Variants in NKTR observed in about 807,000 individuals in gnomAD.
The protein encoded by NKTR is natural killer cell triggering receptor.
A neutral mutation model predicts 156.3 loss-of-function variants in NKTR; 67 were observed. The observed-to-expected ratio is 0.43, with a 90% CI of 0.35 to 0.53. The LOEUF (loss-of-function observed/expected upper bound fraction) is 0.53, where lower values mean the gene tolerates loss of function less well. Among genes scored for constraint, NKTR ranks in the 20% least tolerant of loss-of-function variants. The pLI, the probability that NKTR is intolerant of heterozygous loss-of-function variation, is 0.01. For missense variants in NKTR, 1,604 were observed against 1,730.9 expected, an observed-to-expected ratio of 0.93 and a Z score of 1.30; for synonymous variants, 640 against 596.6, an observed-to-expected ratio of 1.07 and a Z score of -1.06.
At position 42,637,949 on chromosome 3, in the gene NKTR, A is replaced by G. The variant is rs1205851800; in HGVS notation, c.2245A>G (p.Ser749Gly). Residue 749 changes from serine (S) to glycine (G), a missense_variant, in exon 13 of 17, where the codon AGT becomes GGT. Physicochemically the swap from Ser to Gly is moderately conservative, Grantham distance 56. This residue lies in a region of NKTR where 1,255 missense variants were observed against 1,243.7 expected (regional missense o/e 1.01). Transcript: ENST00000232978. ...SRSSSYTSIS[S>G]DDGRRAKRRL... ...ATCATCTTCATATACTTCTATTAGC[A>G]GTGATGATGGAAGGCGAGCTAAGAG... is the stretch of plus-strand genomic sequence containing the variant. 1 of 1,613,878 alleles carries G rather than the reference A, an allele frequency of 6.2e-7. No homozygotes were observed. Among genetic ancestry groups the G allele is most frequent in the East Asian group, 2.2e-5 (1 of 44,878 alleles).
chr3:42,645,831 G>T, intron 16 of NKTR, 57 bp from the exon 17 acceptor site: 1 of 1,216,188 alleles, frequency 8.2e-7, no homozygotes, highest in Non-Finnish European at 1.2e-6. Flanking sequence ...AGCTATAAGA[G>T]GAATTCAAAG....
Position 42,639,236 on chromosome 3 carries a change from C to G in NKTR, c.3532C>G (p.Gln1178Glu). 1 of 1,614,132 alleles carries G rather than the reference C, an allele frequency of 6.2e-7. No individual in the cohort carries two copies. ...TEHPQAEVVK[Q>E]ESSMSESKVL... ...ACATCCTCAAGCAGAGGTAGTAAAA[C>G]AGGAAAGCAGCATGTCCGAAAGTAA... The change falls in exon 13 of 17, where the codon CAG becomes GAG. Residue 1178 changes from glutamine to glutamate, a missense_variant. Gln to Glu is a conservative substitution (Grantham distance 29). Around this residue, in one of 6 missense-constraint regions of NKTR, gnomAD observed 1,255 missense variants for 1,243.7 expected, o/e 1.01. Coordinates refer to ENST00000232978, the MANE Select transcript of NKTR (RefSeq NM_005385.4).
At chr3:42,633,457 T>A in intron 9 of NKTR, 123 bp from the exon 10 acceptor site, 1 of 1,439,038 alleles carries the variant, frequency 6.9e-7, no homozygotes, top group Non-Finnish European at 9.1e-7. Flanking sequence ...ATCATATAAC[T>A]CTTTTGAGTG....
At chr3:42,621,168 T>C (rs1707866324) in intron 5 of NKTR, 1 of 1,051,414 alleles carries the variant, frequency 9.5e-7, no homozygotes, top group Non-Finnish European at 1.1e-6. Flanking sequence ...AGTATGTTAC[T>C]ACTAAAAGTG....
intron 2 of NKTR, among the ~76,000 whole-genome samples, chr3:42,605,744 AGAG>A (rs1435371082): frequency 2.0e-5 from 3 of 152,222 alleles, no homozygotes; most frequent in Non-Finnish European, 2.9e-5. Flanking sequence ...GCTCATGAGT[AGAG>A]TGACTAGATG....
chr3:42,644,887 A>C (rs1710222967), intron 16 of NKTR, among the ~76,000 whole-genome samples: 1 of 152,042 alleles, frequency 6.6e-6, no homozygotes, highest in South Asian at 2.1e-4. Context: ...CTTTGCTCCT[A>C]CTGTGGCTCC....
intron 2 of NKTR, 92 bp from the exon 3 acceptor site, chr3:42,617,478 A>G (rs994727477): frequency 4.6e-6 from 3 of 648,484 alleles, no homozygotes; most frequent in Non-Finnish European, 8.2e-6. Context: ...ACAAAAATAG[A>G]CTTTCTAATT....
intron 6 of NKTR, among the ~76,000 whole-genome samples, chr3:42,622,770 A>G (rs935463552): frequency 1.3e-5 from 2 of 152,026 alleles, no homozygotes; most frequent in Admixed American, 1.3e-4. Context: ...ATTTTCAGAA[A>G]GCCTTTTTAA....
At chr3:42,619,877 A>G in intron 5 of NKTR, 169 bp downstream of exon 5, 2 of 1,415,924 alleles carry the variant, frequency 1.4e-6, no homozygotes, top group African/African-American at 1.5e-5. Context: ...ATATTGTAAT[A>G]TATAATTTTT....
chr3:42,629,830 T>C (rs1053894020), intron 6 of NKTR: 3 of 985,414 alleles, frequency 3.0e-6, no homozygotes, highest in Non-Finnish European at 3.6e-6. Context: ...TGTCTGACAG[T>C]TGGTGACTGT....
rs1048175894 is a variant in NKTR at position 42,646,804 on chromosome 3, A to T, written c.*829A>T. The T allele has an allele frequency of 1.3e-5, 2 of 152,634 alleles. No individual in the cohort carries two copies. Among genetic ancestry groups the T allele is most frequent in the African/African-American group, 4.8e-5 (2 of 41,446 alleles). The allele number at this position is 152,634 out of a possible 1,614,324, so 9.5% of individuals were successfully genotyped here. A position where few individuals can be genotyped will look rare whatever the true frequency, so the allele number is the denominator to read the frequency against. ...AAAATACCATAAAAATGAAATTCAG[A>T]CAAAATCACTGGCACCAAAAATGGT... On this transcript the variant is annotated 3_prime_UTR_variant, in exon 17 of 17. Coordinates refer to ENST00000232978, the MANE Select transcript of NKTR (RefSeq NM_005385.4).
At chr3:42,612,853 G>A (rs7624628) in intron 2 of NKTR, among the ~76,000 whole-genome samples, 26,095 of 151,716 alleles carry the variant, frequency 0.17, 2,725 homozygotes, top group African/African-American at 0.29. Flanking sequence ...TTCCATTTAT[G>A]TCTCCAAAAC....
chr3:42,627,258 CTCTT>C (rs1708474444), intron 6 of NKTR: 1 of 985,310 alleles, frequency 1.0e-6, no homozygotes, highest in Non-Finnish European at 1.2e-6. Context: ...GGCTCTCTCT[CTCTT>C]TGCCTTTATC....
intron 13 of NKTR, 126 bp from the exon 14 acceptor site, chr3:42,642,375 C>G (rs148942965): frequency 1.5e-6 from 1 of 647,828 alleles, no homozygotes; most frequent in African/African-American, 1.8e-5. Context: ...GTCATATCCA[C>G]TGTGAGGAGT....
intron 14 of NKTR, 150 bp from the exon 15 acceptor site, chr3:42,643,189 C>A: frequency 4.7e-6 from 3 of 638,064 alleles, no homozygotes; most frequent in South Asian, 2.2e-5. Flanking sequence ...TTAAAAAATC[C>A]AATATACTTT....
rs372105066 is a variant in NKTR, at chr3:42,645,935, C to G, written c.4349C>G (p.Ser1450Cys). The change falls in exon 17 of 17, where the codon TCT becomes TGT. Residue 1450 changes from serine (S) to cysteine (C), a missense_variant. Ser to Cys is a moderately radical substitution (Grantham distance 112). Around this residue, in one of 6 missense-constraint regions of NKTR, gnomAD observed 193 missense variants for 220.2 expected, o/e 0.88. Transcript: ENST00000232978. ...GACAGTGAAAGTGACCGAAGTTACT[C>G]TCATCACCGGAGCCCCAGTGAGAGC... The part of the protein sequence containing the change: ...GSDSESDRSY[S>C]HHRSPSESSR... The G allele has an allele frequency of 1.2e-6, 2 of 1,613,574 alleles. No homozygotes were observed. Among genetic ancestry groups the G allele is most frequent in the Middle Eastern group, 1.6e-4 (1 of 6,082 alleles).
At chr3:42,606,552 C>A (rs1195501945) in intron 2 of NKTR, among the ~76,000 whole-genome samples, 1 of 152,058 alleles carries the variant, frequency 6.6e-6, no homozygotes, top group African/African-American at 2.4e-5. Flanking sequence ...AAAGTGAAAT[C>A]CTGAATTCTT....
Position 42,621,490 on chromosome 3 carries a change from A to G in NKTR, c.348A>G (p.Lys116=), listed in dbSNP as rs766736248. The G allele has an allele frequency of 2.5e-6, 4 of 1,608,690 alleles. No homozygotes were observed. In the East Asian group the frequency reaches 9.0e-5, roughly 36 times the overall value. The change falls in exon 6 of 17, where the codon AAA becomes AAG. Residue 116 remains lysine, a synonymous_variant. Transcript: ENST00000232978. Reference sequence around the variant, plus strand: ...TTTTATCAATGGCAAATCGAGGGAAACATACCAATGGTTCCCAGTTTTTCA... The same window carrying G: ...TTTTATCAATGGCAAATCGAGGGAAGCATACCAATGGTTCCCAGTTTTTCA... ...AFLLSMANRG[K]HTNGSQFFIT...
At chr3:42,617,421 C>A in intron 2 of NKTR, 149 bp from the exon 3 acceptor site, 1 of 551,476 alleles carries the variant, frequency 1.8e-6, no homozygotes, top group Non-Finnish European at 3.2e-6. Context: ...AGGTATCACC[C>A]AGTTAAATGC....
Sources: gnomAD v4.1 joint callset for allele counts (sites outside exome capture counted in the v4.1 genomes callset) on GRCh38, gnomAD v4.1.1 for gene constraint, gnomAD v4.1.1 regional missense constraint, MANE v1.5 for transcripts, NCBI Gene and HGNC (gene_info 2026-07-23, HGNC 2026-07-21) for gene names.